The following NDUFAF2 variants were observed in gnomAD, a reference collection of about 807,000 sequenced individuals.
The protein encoded by NDUFAF2 is NADH dehydrogenase [ubiquinone] 1 alpha subcomplex assembly factor 2.
A neutral mutation model predicts 22.8 loss-of-function variants in NDUFAF2; 13 were observed. The observed-to-expected ratio is 0.57, with a 90% CI of 0.37 to 0.91. The LOEUF is 0.91. Ranked by LOEUF, NDUFAF2 falls within the 40% of genes least tolerant of loss-of-function variation. NDUFAF2 has a pLI of 0.01. For missense variants in NDUFAF2, 162 were observed against 195.2 expected (o/e 0.83, Z 1.01); for synonymous variants, 53 against 64.2 (o/e 0.83, Z 0.84).
chr5:61,130,236 C>T (rs1753092096), intron 3 of NDUFAF2, among the ~76,000 whole-genome samples: 1 of 152,060 alleles, frequency 6.6e-6, no homozygotes, highest in South Asian at 2.1e-4. Flanking sequence ...TATCACTTTC[C>T]TTGAAATGAG....
chr5:61,083,629 G>A lies in NDUFAF2; in HGVS notation c.217+10415G>A, dbSNP rs758333270. On this transcript the variant is annotated intron_variant, in intron 2 of 3. Transcript: ENST00000296597. ...TGACCTCAAGTGATCTGCCCACCTC[G>A]GCCTCCCAAAAGTGCTGGGATTACA... Among the ~76,000 whole-genome samples the A allele has an allele frequency of 4.1e-5, 6 of 145,332 alleles. 1 individual carries two copies. The highest frequency in any genetic ancestry group is 1.2e-4 in the African/African-American group (5 of 40,872).
chr5:61,107,845 T>C (rs1270362570), intron 3 of NDUFAF2, among the ~76,000 whole-genome samples: 2 of 121,200 alleles, frequency 1.7e-5, no homozygotes, highest in African/African-American at 6.8e-5. Flanking sequence ...GTCCCCAGAG[T>C]GTGATGTTGC....
chr5:61,022,006 C>T (rs1019208630), intron 1 of NDUFAF2, among the ~76,000 whole-genome samples: 3 of 152,164 alleles, frequency 2.0e-5, no homozygotes, highest in African/African-American at 7.2e-5. Flanking sequence ...GTTGTCCTGT[C>T]TTTGTTCTCT....
chr5:61,142,844 T>C (rs1429441431), intron 3 of NDUFAF2, among the ~76,000 whole-genome samples: 1 of 152,240 alleles, frequency 6.6e-6, no homozygotes, highest in African/African-American at 2.4e-5. Context: ...CTCTTGGGCC[T>C]AAATACAGAA....
At chr5:61,135,204 A>T (rs1454897570) in intron 3 of NDUFAF2, among the ~76,000 whole-genome samples, 2 of 151,692 alleles carry the variant, frequency 1.3e-5, no homozygotes, top group African/African-American at 4.8e-5. Flanking sequence ...ATGACAGTCC[A>T]GTAGCAATTA....
At chr5:61,059,158 G>T (rs922220591) in intron 1 of NDUFAF2, among the ~76,000 whole-genome samples, 6 of 152,024 alleles carry the variant, frequency 3.9e-5, no homozygotes, top group Non-Finnish European at 5.9e-5. Flanking sequence ...ATAATCAGAA[G>T]ACCTGCTTAA....
intron 3 of NDUFAF2, among the ~76,000 whole-genome samples, chr5:61,133,788 G>A (rs1753141270): frequency 6.6e-6 from 1 of 152,210 alleles, no homozygotes. Context: ...TCGCAAATAT[G>A]TGTTAAGCAC....
At chr5:60,976,537 TA>T (rs1290793462) in intron 1 of NDUFAF2, among the ~76,000 whole-genome samples, 7 of 152,204 alleles carry the variant, frequency 4.6e-5, no homozygotes, top group Non-Finnish European at 1.0e-4. Context: ...GACTTTGGCT[TA>T]CTTTGTCTCA....
chr5:60,965,515 C>T (rs1184603164), intron 1 of NDUFAF2, among the ~76,000 whole-genome samples: 2 of 152,126 alleles, frequency 1.3e-5, no homozygotes, highest in African/African-American at 4.8e-5. Flanking sequence ...TGACCAGCGT[C>T]TCCCCATTTC....
At chr5:60,976,965 A>C (rs979887565) in intron 1 of NDUFAF2, among the ~76,000 whole-genome samples, 17 of 152,136 alleles carry the variant, frequency 1.1e-4, no homozygotes, top group African/African-American at 4.1e-4. Context: ...CTAGGTATTT[A>C]CTAGAAGTTT....
intron 1 of NDUFAF2, among the ~76,000 whole-genome samples, chr5:61,051,522 T>C (rs1752023526): frequency 6.6e-6 from 1 of 152,174 alleles, no homozygotes; most frequent in African/African-American, 2.4e-5. Flanking sequence ...GGAAAAATAT[T>C]AGGGTCATTG....
chr5:61,066,413 A>G (rs1752228889), intron 1 of NDUFAF2, among the ~76,000 whole-genome samples: 1 of 152,118 alleles, frequency 6.6e-6, no homozygotes, highest in African/African-American at 2.4e-5. Context: ...ATTCTGAGAA[A>G]GGAAAACAAA....
rs143501643 is a variant in NDUFAF2, at chr5:60,997,945, C to A, written c.127+52563C>A. On this transcript the variant is annotated intron_variant, in intron 1 of 3. Coordinates refer to ENST00000296597, the MANE Select transcript of NDUFAF2 (RefSeq NM_174889.5). The stretch of plus-strand genomic sequence containing the variant: ...TCCAGGCTTCCTACTAAATTATTGG[C>A]AGCAAAGCACTAATGTGCCTCCCAG... Among the ~76,000 whole-genome samples, 728 of 152,296 alleles carry A rather than the reference C, an allele frequency of 4.8e-3. 6 individuals carry two copies. The highest frequency in any genetic ancestry group is 0.017 in the African/African-American group (696 of 41,580).
chr5:61,124,863 G>A lies in NDUFAF2; in HGVS notation c.258+25831G>A, dbSNP rs192214143. Among the ~76,000 whole-genome samples, 220 of 152,196 alleles carry A rather than the reference G, an allele frequency of 1.4e-3. 2 individuals carry two copies. The highest frequency in any genetic ancestry group is 5.1e-3 in the African/African-American group (213 of 41,560). On this transcript the variant is annotated intron_variant, in intron 3 of 3. Coordinates refer to ENST00000296597, the MANE Select transcript of NDUFAF2 (RefSeq NM_174889.5). The stretch of plus-strand genomic sequence containing the variant: ...ACTGGGTAATTTATAAAGAAAAGAG[G>A]TTTAATGGACGCACAGTTCCCCATA...
chr5:61,124,295 A>G (rs1051785970), intron 3 of NDUFAF2, among the ~76,000 whole-genome samples: 6 of 151,968 alleles, frequency 3.9e-5, no homozygotes, highest in East Asian at 1.9e-4. Flanking sequence ...ATGATTGTTT[A>G]TATAAATTCA....
intron 1 of NDUFAF2, among the ~76,000 whole-genome samples, chr5:60,947,765 CAAAAA>C (rs11285395): frequency 8.6e-6 from 1 of 115,730 alleles, no homozygotes; most frequent in African/African-American, 3.2e-5. Flanking sequence ...GACTCCACCT[CAAAAA>C]AAAAAAAAAA....
chr5:61,051,227 C>G (rs1311511319), intron 1 of NDUFAF2, among the ~76,000 whole-genome samples: 1 of 152,092 alleles, frequency 6.6e-6, no homozygotes, highest in Non-Finnish European at 1.5e-5. Context: ...TTGATAGATA[C>G]CTCTCACAGA....
intron 1 of NDUFAF2, among the ~76,000 whole-genome samples, chr5:60,970,916 G>GTC (rs1750818494): frequency 6.6e-6 from 1 of 152,002 alleles, no homozygotes. Flanking sequence ...TACATAATTT[G>GTC]TCTCATATTA....
chr5:60,953,339 A>G (rs1417603998), intron 1 of NDUFAF2, among the ~76,000 whole-genome samples: 11 of 152,172 alleles, frequency 7.2e-5, no homozygotes, highest in Non-Finnish European at 1.6e-4. Flanking sequence ...ACCAAAAGAG[A>G]AAGTCTGCCA....
Sources: allele counts gnomAD v4.1 joint callset (sites outside exome capture counted in the v4.1 genomes callset), GRCh38; gene constraint gnomAD v4.1.1; transcripts MANE v1.5; gene names NCBI Gene and HGNC (gene_info 2026-07-23, HGNC 2026-07-21).